Variants in INTS6 observed in about 807,000 individuals in gnomAD.
The protein encoded by INTS6 is integrator complex subunit 6, also known as DEAD box protein.
INTS6 carries 16 observed loss-of-function variants against 104.9 expected under a neutral mutation model. The ratio of observed to expected loss-of-function variants is 0.15; its 90% CI spans 0.10 to 0.23. The LOEUF is 0.23. Among genes scored for constraint, INTS6 ranks in the 10% least tolerant of loss-of-function variants. The probability of loss-of-function intolerance (pLI) is 1.00; values close to 1 mark genes in which losing one functional copy is unlikely to be tolerated. For missense variants in INTS6, 584 were observed against 1,062.8 expected (o/e 0.55, Z 6.26); for synonymous variants, 324 against 358.7 (o/e 0.90, Z 1.09).
Position 51,367,786 on chromosome 13 carries a change from T to C in INTS6, c.2570+19A>G. 7.6e-7 allele frequency: 1 copy of C among 1,311,856 alleles called. No individual in the cohort carries two copies. Among genetic ancestry groups the C allele is most frequent in the Non-Finnish European group, 1.1e-6 (1 of 919,950 alleles). 81.3% of individuals were successfully genotyped at this position (1,311,856 alleles called of 1,614,324 possible). A position where few individuals can be genotyped will look rare whatever the true frequency, so the allele number is the denominator to read the frequency against. Reference sequence around the variant, plus strand: ...GACTCATTTCATCACCATTTCATTATATGCAATAGTTTATTTACCTTGATG... The same window carrying C: ...GACTCATTTCATCACCATTTCATTACATGCAATAGTTTATTTACCTTGATG... On this transcript the variant is annotated intron_variant, in intron 17 of 17. Transcript: ENST00000311234.
chr13:51,402,895 A>C (rs1169302774), intron 4 of INTS6: 1 of 152,012 alleles, frequency 6.6e-6, no homozygotes, highest in Non-Finnish European at 1.5e-5. Flanking sequence ...CCTCTTTGTG[A>C]CTTTTCTAAA....
At chr13:51,409,432 T>C (rs951059238) in intron 4 of INTS6, among the ~76,000 whole-genome samples, 1 of 151,814 alleles carries the variant, frequency 6.6e-6, no homozygotes. Flanking sequence ...ATCTTTTAAA[T>C]GTTGGCTTTG....
the INTS6 span, chr13:51,347,048 G>C: frequency 1.6e-3 from 2,619 of 1,589,698 alleles, 29 homozygotes; most frequent in African/African-American, 0.029. Flanking sequence ...TGAGGGCCCT[G>C]GTGGCTGGCC....
intron 4 of INTS6, among the ~76,000 whole-genome samples, chr13:51,407,845 C>T (rs925419320): frequency 4.0e-5 from 6 of 151,742 alleles, no homozygotes; most frequent in Non-Finnish European, 5.9e-5. Context: ...AGCAAAAGCT[C>T]GTCTGTACTA....
chr13:51,423,016 G>A (rs540445733), intron 4 of INTS6: 2 of 1,239,694 alleles, frequency 1.6e-6, no homozygotes, highest in Non-Finnish European at 2.1e-6. Context: ...TATTACAAAT[G>A]TTTATTTACT....
the INTS6 span, chr13:51,341,179 A>T: frequency 6.2e-7 from 1 of 1,614,026 alleles, no homozygotes; most frequent in Non-Finnish European, 8.5e-7. Context: ...GACATTGCTG[A>T]AGACTGAGTT....
intron 4 of INTS6, among the ~76,000 whole-genome samples, chr13:51,406,481 C>G (rs888523339): frequency 6.6e-6 from 1 of 152,156 alleles, no homozygotes; most frequent in African/African-American, 2.4e-5. Flanking sequence ...TCTTACACCC[C>G]CAACTGCATT....
At position 51,378,294 on chromosome 13, in the gene INTS6, A is replaced by G. The variant is rs753600544; in HGVS notation, c.1547T>C (p.Leu516Pro). ...QGISEDVPHR[L>P]LDLNMKEYTG... The stretch of plus-strand genomic sequence containing the variant: ...GTATTCCTTCATATTAAGGTCTAGC[A>G]GTCTGTGAGGGACATCCTCTGAAAT... Residue 516 changes from leucine to proline, a missense_variant, in exon 12 of 18, where the codon CTG becomes CCG. Physicochemically the swap from Leu to Pro is moderately conservative, Grantham distance 98. Coordinates refer to ENST00000311234, the MANE Select transcript of INTS6 (RefSeq NM_012141.3). 1 of 1,613,490 alleles carries G rather than the reference A, an allele frequency of 6.2e-7. No individual in the cohort carries two copies. The highest frequency in any genetic ancestry group is 1.1e-5 in the South Asian group (1 of 91,070).
At chr13:51,407,382 G>C (rs1014552345) in intron 4 of INTS6, among the ~76,000 whole-genome samples, 4 of 152,202 alleles carry the variant, frequency 2.6e-5, no homozygotes, top group African/African-American at 9.6e-5. Flanking sequence ...GTGAACAGTA[G>C]AGTAATACAC....
chr13:51,348,581 C>T, the INTS6 span: 2 of 591,732 alleles, frequency 3.4e-6, no homozygotes, highest in African/African-American at 2.0e-5. Context: ...AGTTTGAGTT[C>T]ATTTCAGAGC....
chr13:51,421,146 T>C (rs1477797660), intron 4 of INTS6: 5 of 985,814 alleles, frequency 5.1e-6, no homozygotes, highest in Non-Finnish European at 6.0e-6. Context: ...CCGAGATGAC[T>C]AGCATCAGAC....
chr13:51,377,480 T>C (rs1955957209), intron 12 of INTS6, among the ~76,000 whole-genome samples: 2 of 152,272 alleles, frequency 1.3e-5, no homozygotes, highest in East Asian at 1.9e-4. Context: ...TGTTCTTACA[T>C]TTAAGATCAC....
rs539759350 is a variant in INTS6, at chr13:51,365,578, C to T, written c.*174G>A. The T allele has an allele frequency of 2.6e-5, 10 of 384,996 alleles. No individual in the cohort carries two copies. The South Asian group carries it at 7.9e-4, about 30-fold the overall frequency. 23.8% of individuals were successfully genotyped at this position (384,996 alleles called of 1,614,324 possible). A position where few individuals can be genotyped will look rare whatever the true frequency, so the allele number is the denominator to read the frequency against. On this transcript the variant is annotated 3_prime_UTR_variant, in exon 18 of 18. Transcript: ENST00000311234. ...TACTTTTCACATTACAAAAATAAACCAAAATGAAGAAAAGGTCACTGTAAA... is the reference window on the plus strand; with the variant it reads ...TACTTTTCACATTACAAAAATAAACTAAAATGAAGAAAAGGTCACTGTAAA...
intron 3 of INTS6, chr13:51,444,755 A>T (rs1445839795): frequency 6.6e-6 from 1 of 151,856 alleles, no homozygotes; most frequent in Non-Finnish European, 1.5e-5. Flanking sequence ...ATCCCAAAAA[A>T]AAAAAGAATG....
chr13:51,419,994 A>G (rs934825208), intron 4 of INTS6, among the ~76,000 whole-genome samples: 3 of 152,170 alleles, frequency 2.0e-5, no homozygotes, highest in Admixed American at 1.3e-4. Context: ...CATTTAACAT[A>G]CTGTCTATGG....
At chr13:51,408,076 G>T (rs1956609421) in intron 4 of INTS6, among the ~76,000 whole-genome samples, 1 of 148,912 alleles carries the variant, frequency 6.7e-6, no homozygotes, top group African/African-American at 2.5e-5. Context: ...ATAGATAATT[G>T]TTAAATAATA....
chr13:51,344,441 G>GCA, the INTS6 span: 1 of 1,605,646 alleles, frequency 6.2e-7, no homozygotes, highest in Admixed American at 1.7e-5. Context: ...GAGCCCAATA[G>GCA]CACCGCCATC....
chr13:51,352,573 T>C (rs984262820), downstream of INTS6, among the ~76,000 whole-genome samples: 2 of 152,044 alleles, frequency 1.3e-5, no homozygotes, highest in African/African-American at 2.4e-5. Context: ...CCTGGATGCC[T>C]TCTATTTCTT....
chr13:51,377,696 C>A (rs908461489), intron 12 of INTS6, among the ~76,000 whole-genome samples: 12 of 152,130 alleles, frequency 7.9e-5, no homozygotes, highest in Admixed American at 2.0e-4. Flanking sequence ...GATGGCACCA[C>A]ACTGCATGGA....
Sources: allele counts gnomAD v4.1 joint callset (sites outside exome capture counted in the v4.1 genomes callset), GRCh38; gene constraint gnomAD v4.1.1; transcripts MANE v1.5; gene names NCBI Gene and HGNC (gene_info 2026-07-23, HGNC 2026-07-21).